Variants in WDR45B observed in about 807,000 individuals in gnomAD.
WDR45B encodes WD repeat domain phosphoinositide-interacting protein 3.
Under a neutral mutation model 44.6 loss-of-function variants are expected in WDR45B, and 20 were observed. That is an observed-to-expected ratio of 0.45 (90% CI 0.32 to 0.65). WDR45B has a LOEUF of 0.65. WDR45B is among the 30% of genes least tolerant of loss of function. WDR45B has a pLI of 0.05. For missense variants in WDR45B, 323 were observed against 430.2 expected (o/e 0.75, Z 2.20); for synonymous variants, 169 against 164.9 (o/e 1.02, Z -0.19).
At chr17:82,646,754 T>C (rs1216579740) in intron 1 of WDR45B, among the ~76,000 whole-genome samples, 2 of 152,088 alleles carry the variant, frequency 1.3e-5, no homozygotes, top group East Asian at 3.9e-4. Flanking sequence ...AAAGAAGGCA[T>C]TACAAACACC....
chr17:82,616,109 G>C (rs1218941632), intron 9 of WDR45B, 84 bp from the exon 10 acceptor site: 56 of 1,289,714 alleles, frequency 4.3e-5, no homozygotes, highest in Non-Finnish European at 3.3e-6. Flanking sequence ...GAACTGCAAA[G>C]GGCCTCTTGG....
chr17:82,615,933 C>G lies in WDR45B; in HGVS notation c.1021G>C (p.Asp341His). ...DVYAQFLEMT[D>H]DKL The stretch of plus-strand genomic sequence containing the variant: ...CCCAGCTGGAGTCACAGCTTGTCAT[C>G]GGTCATCTCTAGAAACTGCGCGTAG... The change falls in exon 10 of 10, where the codon GAT (aspartate) becomes CAT (histidine). Residue 341 changes from aspartate to histidine, a missense_variant. By Grantham distance (81) the Asp-to-His change is moderately conservative (BLOSUM62 -1). Transcript: ENST00000392325. 1.9e-6 allele frequency: 3 copies of G among 1,613,436 alleles called. No homozygotes were observed. The highest frequency in any genetic ancestry group is 2.5e-6 in the Non-Finnish European group (3 of 1,179,918).
intron 4 of WDR45B, among the ~76,000 whole-genome samples, chr17:82,626,215 G>A (rs746369469): frequency 2.0e-5 from 3 of 150,234 alleles, no homozygotes; most frequent in Non-Finnish European, 4.4e-5. Context: ...AAATATTGAC[G>A]TTATTAAAAT....
At chr17:82,645,104 T>C (rs1425206888) in intron 1 of WDR45B, among the ~76,000 whole-genome samples, 1 of 152,142 alleles carries the variant, frequency 6.6e-6, no homozygotes, top group Non-Finnish European at 1.5e-5. Context: ...GAGACCAGCC[T>C]GACCAACACG....
intron 2 of WDR45B, 81 bp downstream of exon 2, chr17:82,643,868 C>T (rs2045945977): frequency 4.3e-6 from 6 of 1,383,670 alleles, no homozygotes; most frequent in South Asian, 1.2e-5. Flanking sequence ...CCATCCCTTC[C>T]CTGCTCCACC....
At chr17:82,637,395 C>A (rs2045846137) in intron 2 of WDR45B, among the ~76,000 whole-genome samples, 1 of 151,998 alleles carries the variant, frequency 6.6e-6, no homozygotes, top group Non-Finnish European at 1.5e-5. Context: ...TCTATTCTCA[C>A]ACAATCACCA....
intron 2 of WDR45B, among the ~76,000 whole-genome samples, chr17:82,638,933 C>G (rs1227939235): frequency 6.6e-6 from 1 of 151,958 alleles, no homozygotes; most frequent in Admixed American, 6.5e-5. Context: ...AGTGATTCTC[C>G]TGCCTCAGCC....
chr17:82,615,776 G>C lies in WDR45B; in HGVS notation c.*143C>G, dbSNP rs532511722. On this transcript the variant is annotated 3_prime_UTR_variant, in exon 10 of 10. Coordinates refer to ENST00000392325, the MANE Select transcript of WDR45B (RefSeq NM_019613.4). Reference sequence around the variant, plus strand: ...ACTGGAAATGGGAGTCCTTAGGAAAGCAGACAACCACGTATGGCTTCGAGA... The same window carrying C: ...ACTGGAAATGGGAGTCCTTAGGAAACCAGACAACCACGTATGGCTTCGAGA... The C allele has an allele frequency of 1.9e-4, 138 of 736,690 alleles. 1 individual carries two copies. In the South Asian group the frequency reaches 1.9e-3, roughly 10 times the overall value. The allele number at this position is 736,690 out of a possible 1,614,324, so 45.6% of individuals were successfully genotyped here. A position where few individuals can be genotyped will look rare whatever the true frequency, so the allele number is the denominator to read the frequency against.
At chr17:82,637,498 G>C (rs11653386) in intron 2 of WDR45B, among the ~76,000 whole-genome samples, 31,091 of 151,848 alleles carry the variant, frequency 0.2, 3,569 homozygotes, top group Middle Eastern at 0.29. Flanking sequence ...TACCTGGAGA[G>C]AGTATTAGAT....
At chr17:82,641,991 A>G (rs1466988361) in intron 2 of WDR45B, among the ~76,000 whole-genome samples, 3 of 152,138 alleles carry the variant, frequency 2.0e-5, no homozygotes, top group Non-Finnish European at 4.4e-5. Context: ...ATTTTGAAGT[A>G]AAAAAATAAA....
intron 2 of WDR45B, among the ~76,000 whole-genome samples, chr17:82,640,649 A>C (rs1027163854): frequency 1.3e-5 from 2 of 152,036 alleles, no homozygotes; most frequent in Non-Finnish European, 2.9e-5. Context: ...CTTCATTGTT[A>C]AACTGTAAGC....
rs1207042212 is a variant in WDR45B, at chr17:82,616,045, TTTTACCTGTG to T, written c.929-30_929-21del. The T allele has an allele frequency of 1.9e-6, 3 of 1,603,812 alleles. No individual in the cohort carries two copies. The East Asian group carries it at 6.7e-5, about 36-fold the overall frequency. On this transcript the variant is annotated intron_variant, in intron 9 of 9. Transcript: ENST00000392325. ...AAATTGCTGGGATAGAAGGAGACCATTTTACCTGTGTGTTTCTTTCCCTCAAGTTAAAAGC... is the reference window on the plus strand; with the variant it reads ...AAATTGCTGGGATAGAAGGAGACCATTGTTTCTTTCCCTCAAGTTAAAAGC...
chr17:82,644,253 A>G, intron 1 of WDR45B: 1 of 574,368 alleles, frequency 1.7e-6, no homozygotes, highest in East Asian at 3.1e-5. Context: ...AGTTGTTCAC[A>G]CAACTTCCCC....
At chr17:82,644,310 C>T (rs552524990) in intron 1 of WDR45B, 2 of 472,024 alleles carry the variant, frequency 4.2e-6, no homozygotes, top group South Asian at 2.1e-5. Flanking sequence ...GCTTGGAGGA[C>T]GATCAGTGAC....
intron 2 of WDR45B, among the ~76,000 whole-genome samples, chr17:82,633,225 C>A (rs916343794): frequency 2.7e-5 from 4 of 150,282 alleles, no homozygotes; most frequent in Non-Finnish European, 5.9e-5. Context: ...CTTTTGTGCA[C>A]CAAAGGACAC....
At chr17:82,627,136 A>G (rs2045708009) in intron 4 of WDR45B, 68 bp downstream of exon 4, 1 of 1,290,340 alleles carries the variant, frequency 7.7e-7, no homozygotes, top group African/African-American at 1.5e-5. Flanking sequence ...CCAAAAATAG[A>G]AAAGTATTTC....
chr17:82,643,841 T>A, intron 2 of WDR45B, 108 bp downstream of exon 2: 1 of 1,073,168 alleles, frequency 9.3e-7, no homozygotes, highest in South Asian at 1.3e-5. Context: ...TGAACCCTAT[T>A]TACTTCTCGA....
intron 3 of WDR45B, among the ~76,000 whole-genome samples, chr17:82,630,602 G>GA (rs2045754708): frequency 6.6e-6 from 1 of 151,760 alleles, no homozygotes. Flanking sequence ...CTCTCTGTAA[G>GA]AAAAAAAATC....
chr17:82,627,161 AAAGTGAAAT>A (rs1366020758), intron 4 of WDR45B, 34 bp downstream of exon 4: 1 of 1,456,166 alleles, frequency 6.9e-7, no homozygotes, highest in Non-Finnish European at 9.6e-7. Flanking sequence ...ATCTTTTGAG[AAAGTGAAAT>A]ACCACTTTAA....
Sources: allele counts gnomAD v4.1 joint callset (sites outside exome capture counted in the v4.1 genomes callset), GRCh38; gene constraint gnomAD v4.1.1; transcripts MANE v1.5; gene names NCBI Gene and HGNC (gene_info 2026-07-23, HGNC 2026-07-21).